The following TSNARE1 variants were observed in gnomAD, a reference collection of about 807,000 sequenced individuals.
TSNARE1 encodes t-SNARE domain-containing protein 1.
TSNARE1 carries 49 observed loss-of-function variants against 62.0 expected under a neutral mutation model. That is an observed-to-expected ratio of 0.79 (90% CI 0.63 to 1.00). TSNARE1 has a LOEUF of 1.00. Among genes scored for constraint, TSNARE1 ranks in the 50% least tolerant of loss-of-function variants. The pLI is 0.00. For synonymous variants in TSNARE1, 328 were observed against 294.4 expected (o/e 1.11, Z -1.17); for missense variants, 755 against 700.1 (o/e 1.08, Z -0.88).
rs559535291 is a variant in TSNARE1, at chr8:142,368,939, G to A, written c.-39-14176C>T. ...GGCCCACTGCAGGAGTGCAAGAGAG[G>A]CAGAAAACACTCTCCTCTAAAGAGC... On this transcript the variant is annotated intron_variant, in intron 1 of 13. Transcript: ENST00000524325. Among the ~76,000 whole-genome samples, 10 of 152,300 alleles carry A rather than the reference G, an allele frequency of 6.6e-5. No homozygotes were observed. In the South Asian group the frequency reaches 1.4e-3, roughly 22 times the overall value.
At chr8:142,405,895 C>G (rs1360387987), upstream of TSNARE1, 1 of 152,600 alleles carries the variant, frequency 6.6e-6, no homozygotes, top group East Asian at 1.9e-4. Flanking sequence ...CCGAGCCGCC[C>G]TCACTATTAC....
chr8:142,345,321 C>T (rs1224795810), intron 3 of TSNARE1, among the ~76,000 whole-genome samples: 1 of 152,208 alleles, frequency 6.6e-6, no homozygotes, highest in Non-Finnish European at 1.5e-5. Flanking sequence ...GGGGCCCCTC[C>T]ACCAGGAGGG....
intron 1 of TSNARE1, among the ~76,000 whole-genome samples, chr8:142,390,059 A>T (rs1259646492): frequency 6.6e-6 from 1 of 152,268 alleles, no homozygotes; most frequent in African/African-American, 2.4e-5. Context: ...ATCTATACAT[A>T]TCTAAACATA....
intron 13 of TSNARE1, among the ~76,000 whole-genome samples, chr8:142,218,206 A>G (rs1378768433): frequency 6.9e-6 from 1 of 145,058 alleles, no homozygotes; most frequent in African/African-American, 2.6e-5. Flanking sequence ...GAGTGTGACC[A>G]GAGTCAGGGC....
In TSNARE1 at chr8:142,292,039, T is replaced by C. The variant is rs1373385036; in HGVS notation, c.1291-7554A>G. ...TAGGGTTTCTGAGGCTCGGCTTCCT[T>C]CTGGCTCTGCCGGGGTCCTGGCAGC... On this transcript the variant is annotated intron_variant, in intron 10 of 13. Transcript: ENST00000524325. 4.9e-4 allele frequency among the ~76,000 whole-genome samples: 74 copies of C among 152,012 alleles called. 1 individual carries two copies. Among genetic ancestry groups the C allele is most frequent in the Non-Finnish European group, 1.5e-5 (1 of 67,976 alleles).
chr8:142,329,441 G>A (rs144093031), intron 6 of TSNARE1, among the ~76,000 whole-genome samples: 190 of 152,350 alleles, frequency 1.2e-3, no homozygotes, highest in Non-Finnish European at 2.2e-3. Flanking sequence ...GGGTCCGGAC[G>A]TGCCCATCCC....
intron 9 of TSNARE1, among the ~76,000 whole-genome samples, chr8:142,302,611 G>C (rs1432072096): frequency 6.6e-6 from 1 of 152,128 alleles, no homozygotes; most frequent in Non-Finnish European, 1.5e-5. Flanking sequence ...TCCTCTCCCA[G>C]GTCTGGGAAA....
At chr8:142,328,950 C>A (rs1368760759) in intron 6 of TSNARE1, among the ~76,000 whole-genome samples, 5 of 152,174 alleles carry the variant, frequency 3.3e-5, no homozygotes, top group African/African-American at 7.2e-5. Context: ...GAAGGACCAC[C>A]CTTCCTCCTG....
At chr8:142,326,673 A>G (rs9969572) in intron 6 of TSNARE1, among the ~76,000 whole-genome samples, 96,932 of 144,024 alleles carry the variant, frequency 0.67, 33,063 homozygotes, top group South Asian at 0.8. Context: ...GGAGGGCCCC[A>G]GAGAGCACGA....
upstream of TSNARE1, chr8:142,403,735 G>A (rs1838478192): frequency 2.6e-5 from 4 of 152,206 alleles, no homozygotes; most frequent in South Asian, 8.3e-4. Context: ...CAAGACATCT[G>A]AGGGACCTTT....
chr8:142,258,486 T>C (rs1431762734), intron 12 of TSNARE1, among the ~76,000 whole-genome samples: 1 of 148,300 alleles, frequency 6.7e-6, no homozygotes, highest in East Asian at 2.0e-4. Context: ...GCTTTTTTTT[T>C]TTTTTTTTTT....
chr8:142,269,863 A>T, intron 12 of TSNARE1: 1 of 985,386 alleles, frequency 1.0e-6, no homozygotes, highest in Non-Finnish European at 1.2e-6. Flanking sequence ...ATGTGGCTAC[A>T]CCTCAGGTTC....
At chr8:142,240,336 C>T (rs74592628) in intron 12 of TSNARE1, among the ~76,000 whole-genome samples, 6,420 of 152,136 alleles carry the variant, frequency 0.042, 154 homozygotes, top group South Asian at 0.073. Context: ...GAAATAGCCA[C>T]GGAATACATA....
chr8:142,398,516 C>T (rs1204042798), intron 1 of TSNARE1, among the ~76,000 whole-genome samples: 1 of 151,984 alleles, frequency 6.6e-6, no homozygotes, highest in African/African-American at 2.4e-5. Context: ...TGTAAGGTGC[C>T]CTCTCCACCT....
intron 12 of TSNARE1, among the ~76,000 whole-genome samples, chr8:142,254,588 C>T (rs987661442): frequency 1.3e-5 from 2 of 152,210 alleles, no homozygotes; most frequent in Non-Finnish European, 2.9e-5. Flanking sequence ...ATCCCCCTCC[C>T]TCCAGCACCC....
rs1325843908 is a variant in TSNARE1, at chr8:142,291,046, G to GT, written c.1291-6562dup. ...GCAGTGGACTGAAGGGCACGCGCCT[G>GT]TTCCCTCCAACCTCTCCTGCCCAGG... On this transcript the variant is annotated intron_variant, in intron 10 of 13. Coordinates refer to ENST00000524325, the MANE Select transcript of TSNARE1 (RefSeq NM_145003.5). The surrounding 1 kb of genome is among the most constrained non-coding windows in gnomAD (Gnocchi z 4.8). 1.3e-5 allele frequency among the ~76,000 whole-genome samples: 2 copies of GT among 152,076 alleles called. No homozygotes were observed. The highest frequency in any genetic ancestry group is 4.8e-5 in the African/African-American group (2 of 41,414).
intron 1 of TSNARE1, among the ~76,000 whole-genome samples, chr8:142,363,243 G>A (rs1040013299): frequency 2.0e-4 from 31 of 152,298 alleles, no homozygotes; most frequent in African/African-American, 7.0e-4. Context: ...TGAGGAAAGC[G>A]GGGAGCCTCT....
At chr8:142,355,757 G>A (rs1000791649) in intron 1 of TSNARE1, among the ~76,000 whole-genome samples, 4 of 152,324 alleles carry the variant, frequency 2.6e-5, no homozygotes, top group Admixed American at 1.3e-4. Context: ...CCTGAAGTGC[G>A]AAGGCAGGTT....
intron 9 of TSNARE1, among the ~76,000 whole-genome samples, chr8:142,310,188 G>A (rs774680663): frequency 4.6e-5 from 7 of 152,060 alleles, no homozygotes; most frequent in Admixed American, 1.3e-4. Context: ...CCTACTGAAC[G>A]TGTTTTATAT....
Sources: allele counts gnomAD v4.1 joint callset (sites outside exome capture counted in the v4.1 genomes callset), GRCh38; gene constraint gnomAD v4.1.1; non-coding constraint Gnocchi (gnomAD v3.1); transcripts MANE v1.5; gene names NCBI Gene and HGNC (gene_info 2026-07-23, HGNC 2026-07-21).